CDH13: variants seen among roughly 807,000 people sequenced by gnomAD.
CDH13 encodes cadherin-13.
CDH13 carries 24 observed loss-of-function variants against 63.8 expected under a neutral mutation model. That is an observed-to-expected ratio of 0.38 (90% CI 0.27 to 0.53). The LOEUF (loss-of-function observed/expected upper bound fraction) is 0.53, where lower values mean the gene tolerates loss of function less well. Ranked by LOEUF, CDH13 falls within the 20% of genes least tolerant of loss-of-function variation. The pLI, the probability that CDH13 is intolerant of heterozygous loss-of-function variation, is 0.85. For synonymous variants in CDH13, 503 were observed against 355.3 expected (o/e 1.42, Z -4.67); for missense variants, 1,049 against 903.1 (o/e 1.16, Z -2.07).
intron 6 of CDH13, among the ~76,000 whole-genome samples, chr16:83,421,461 T>C (rs1372887776): frequency 6.6e-6 from 1 of 152,222 alleles, no homozygotes; most frequent in Admixed American, 6.5e-5. Context: ...GCATGTTGAC[T>C]TCTTGTCCCT....
intron 1 of CDH13, among the ~76,000 whole-genome samples, chr16:82,664,347 C>T (rs1474564557): frequency 1.3e-5 from 2 of 152,196 alleles, no homozygotes; most frequent in African/African-American, 4.8e-5. Context: ...CAGTGATTTG[C>T]ACTAGCTGAT....
intron 7 of CDH13, among the ~76,000 whole-genome samples, chr16:83,561,173 G>A (rs1483989257): frequency 1.3e-5 from 2 of 152,030 alleles, no homozygotes; most frequent in African/African-American, 2.4e-5. Context: ...CAGGCCGGGC[G>A]CAGTGGCTCA....
intron 1 of CDH13, among the ~76,000 whole-genome samples, chr16:82,762,490 C>T (rs2034891452): frequency 2.0e-5 from 3 of 152,136 alleles, no homozygotes; most frequent in Admixed American, 2.0e-4. Flanking sequence ...ATTTAATAAA[C>T]CCCTAAGTCA....
At chr16:82,679,611 G>T (rs890448501) in intron 1 of CDH13, among the ~76,000 whole-genome samples, 9 of 152,172 alleles carry the variant, frequency 5.9e-5, no homozygotes, top group Non-Finnish European at 1.0e-4. Context: ...GACTCCCCTG[G>T]TTTTGGAATC....
intron 7 of CDH13, among the ~76,000 whole-genome samples, chr16:83,551,430 A>G (rs1223989742): frequency 6.6e-6 from 1 of 152,162 alleles, no homozygotes; most frequent in African/African-American, 2.4e-5. Flanking sequence ...AAAGTCAACA[A>G]GTGTTATTTG....
At chr16:83,210,875 C>A (rs112990248) in intron 4 of CDH13, among the ~76,000 whole-genome samples, 1 of 150,810 alleles carries the variant, frequency 6.6e-6, no homozygotes, top group African/African-American at 2.4e-5. Flanking sequence ...AGAGGCCGGG[C>A]GTGGTGGCTC....
At chr16:82,767,148 C>G (rs965123985) in intron 1 of CDH13, among the ~76,000 whole-genome samples, 5 of 152,198 alleles carry the variant, frequency 3.3e-5, no homozygotes, top group African/African-American at 1.2e-4. Flanking sequence ...TATTGTTTCT[C>G]TTTTGATGTA....
chr16:83,762,823 GC>G (rs1374111001), intron 11 of CDH13, among the ~76,000 whole-genome samples: 1 of 152,138 alleles, frequency 6.6e-6, no homozygotes, highest in African/African-American at 2.4e-5. Context: ...ATTGAATGGG[GC>G]TCTTATGCTC....
At chr16:83,512,644 G>A (rs1328237757) in intron 7 of CDH13, among the ~76,000 whole-genome samples, 1 of 149,324 alleles carries the variant, frequency 6.7e-6, no homozygotes, top group Non-Finnish European at 1.5e-5. Flanking sequence ...CTCCAGCCTT[G>A]GCAACAGAGT....
At chr16:82,630,831 C>T (rs1032761454) in intron 1 of CDH13, among the ~76,000 whole-genome samples, 4 of 152,104 alleles carry the variant, frequency 2.6e-5, no homozygotes, top group Admixed American at 6.6e-5. Flanking sequence ...TTTCTGTGTG[C>T]GCGTCTGAGT....
chr16:82,780,286 A>T (rs1404345885), intron 1 of CDH13, among the ~76,000 whole-genome samples: 1 of 152,218 alleles, frequency 6.6e-6, no homozygotes, highest in Non-Finnish European at 1.5e-5. Flanking sequence ...TTCAAGTAAG[A>T]ACCTGGAATG....
rs550700380 is a variant in CDH13 at position 83,181,192 on chromosome 16, C to G, written c.484-36153C>G. ...AGGCTTTGCAGCCAAGAAATGAGGC[C>G]TCAGGCAAGTCATTTAGTATTAGGG... On this transcript the variant is annotated intron_variant, in intron 4 of 13. Coordinates refer to ENST00000567109, the MANE Select transcript of CDH13 (RefSeq NM_001257.5). The G allele has an allele frequency of 3.4e-5, 18 of 523,592 alleles. No homozygotes were observed. In the East Asian group the frequency reaches 4.8e-4, roughly 14 times the overall value. The allele number at this position is 523,592 out of a possible 1,614,324, so 32.4% of individuals were successfully genotyped here.
chr16:83,018,501 A>G (rs1255628982), intron 2 of CDH13, among the ~76,000 whole-genome samples: 1 of 152,228 alleles, frequency 6.6e-6, no homozygotes, highest in Non-Finnish European at 1.5e-5. Context: ...ATTCCTGATG[A>G]AGTCATATAG....
chr16:83,537,232 C>G (rs561767617), intron 7 of CDH13, among the ~76,000 whole-genome samples: 2 of 152,296 alleles, frequency 1.3e-5, no homozygotes, highest in Non-Finnish European at 2.9e-5. Context: ...ATTTGTTGAG[C>G]AAGTAGATAA....
At chr16:83,735,653 C>T (rs1308213584) in intron 10 of CDH13, 2 of 152,140 alleles carry the variant, frequency 1.3e-5, no homozygotes, top group African/African-American at 2.4e-5. Context: ...AATTCTTATA[C>T]TCTGAGTATC....
chr16:83,235,505 C>T (rs1188132281), intron 5 of CDH13, among the ~76,000 whole-genome samples: 2 of 152,060 alleles, frequency 1.3e-5, no homozygotes, highest in East Asian at 3.9e-4. Flanking sequence ...CCTACCCCGA[C>T]CCAAAATCTG....
At chr16:83,622,786 G>A (rs939647850) in intron 8 of CDH13, among the ~76,000 whole-genome samples, 1 of 152,204 alleles carries the variant, frequency 6.6e-6, no homozygotes, top group Non-Finnish European at 1.5e-5. Flanking sequence ...ACCAGTCTCT[G>A]TGAATTTGAT....
intron 3 of CDH13, among the ~76,000 whole-genome samples, chr16:83,107,895 C>G (rs1168397909): frequency 6.6e-6 from 1 of 151,850 alleles, no homozygotes; most frequent in Non-Finnish European, 1.5e-5. Flanking sequence ...TCTCGGCTCA[C>G]TGCAACATCC....
intron 6 of CDH13, among the ~76,000 whole-genome samples, chr16:83,349,024 C>T (rs983316700): frequency 6.6e-6 from 1 of 152,220 alleles, no homozygotes; most frequent in Admixed American, 6.5e-5. Flanking sequence ...CAATCTATCA[C>T]AAAGGAAGGT....
Sources: allele counts gnomAD v4.1 joint callset (sites outside exome capture counted in the v4.1 genomes callset), GRCh38; gene constraint gnomAD v4.1.1; transcripts MANE v1.5; gene names NCBI Gene and HGNC (gene_info 2026-07-23, HGNC 2026-07-21).